ABCA13: variants seen among roughly 807,000 people sequenced by gnomAD.
ABCA13 encodes the protein ATP-binding cassette sub-family A member 13.
In ABCA13, 476 loss-of-function variants were observed where a neutral mutation model predicts 478.7. That is an observed-to-expected ratio of 0.99 (90% CI 0.92 to 1.07). The LOEUF is 1.07. ABCA13 is among the 50% of genes least tolerant of loss of function. The pLI is 0.00. For missense variants in ABCA13, 6,060 were observed against 5,910.6 expected (o/e 1.03, Z -0.83); for synonymous variants, 2,252 against 2,158.9 (o/e 1.04, Z -1.20).
intron 35 of ABCA13, among the ~76,000 whole-genome samples, chr7:48,384,518 C>A (rs1299473310): frequency 1.3e-5 from 2 of 152,206 alleles, no homozygotes; most frequent in African/African-American, 2.4e-5. Flanking sequence ...TTTTACCTGA[C>A]ATGTTGGTGG....
At chr7:48,356,589 A>T (rs1584988440) in intron 31 of ABCA13, among the ~76,000 whole-genome samples, 1 of 151,910 alleles carries the variant, frequency 6.6e-6, no homozygotes, top group East Asian at 1.9e-4. Context: ...ATTTAACTAA[A>T]AATTTTCCAC....
chr7:48,241,057 T>G lies in ABCA13; in HGVS notation c.1253T>G (p.Phe418Cys), dbSNP rs1310528419. 6.2e-7 allele frequency: 1 copy of G among 1,613,992 alleles called. No individual in the cohort carries two copies. Among genetic ancestry groups the G allele is most frequent in the Non-Finnish European group, 8.5e-7 (1 of 1,179,868 alleles). ...SADGPKDNHT[F>C]PKILQHLWKL... The stretch of plus-strand genomic sequence containing the variant: ...GATGGCCCAAAAGATAATCATACAT[T>G]TCCAAAGATGTAAGTCGCATTTCCC... The change falls in exon 10 of 62, where the codon TTT becomes TGT. Residue 418 changes from phenylalanine to cysteine, a missense_variant. Phe to Cys is a radical substitution (Grantham distance 205). Around this residue, in one of 3 missense-constraint regions of ABCA13, gnomAD observed 4,423 missense variants for 4,309.1 expected, o/e 1.03. Transcript: ENST00000435803.
chr7:48,260,685 A>C (rs901919041), intron 15 of ABCA13, among the ~76,000 whole-genome samples: 1 of 152,008 alleles, frequency 6.6e-6, no homozygotes, highest in Admixed American at 6.6e-5. Flanking sequence ...AATATGGTAA[A>C]AACGTTAGAT....
At position 48,227,160 on chromosome 7, in the gene ABCA13, A is replaced by G; in HGVS notation, c.469-102A>G. The G allele has an allele frequency of 5.4e-6, 6 of 1,118,018 alleles. 1 individual carries two copies. The South Asian group carries it at 7.0e-5, about 13-fold the overall frequency. 69.3% of individuals were successfully genotyped at this position (1,118,018 alleles called of 1,614,324 possible). On this transcript the variant is annotated intron_variant, in intron 5 of 61. Coordinates refer to ENST00000435803, the MANE Select transcript of ABCA13 (RefSeq NM_152701.5). ...ATATTAAGTGTGAGTTTCTACTAGG[A>G]GAATGTCTACAATTTTGCACCTTTG...
chr7:48,452,029 T>C (rs1585383268), intron 42 of ABCA13, among the ~76,000 whole-genome samples: 1 of 152,270 alleles, frequency 6.6e-6, no homozygotes, highest in Non-Finnish European at 1.5e-5. Flanking sequence ...AATATTTGAT[T>C]GGTGGTTGAT....
chr7:48,323,492 G>A (rs1432861723), intron 27 of ABCA13, among the ~76,000 whole-genome samples: 1 of 152,172 alleles, frequency 6.6e-6, no homozygotes, highest in Non-Finnish European at 1.5e-5. Context: ...GTTTAGCAGT[G>A]GTGGGTGCCA....
At chr7:48,592,543 T>C (rs1789865232) in intron 57 of ABCA13, among the ~76,000 whole-genome samples, 1 of 151,962 alleles carries the variant, frequency 6.6e-6, no homozygotes, top group Non-Finnish European at 1.5e-5. Context: ...GAAGAATGTG[T>C]ATTCTGCTAT....
intron 15 of ABCA13, among the ~76,000 whole-genome samples, chr7:48,262,870 C>T (rs1794381023): frequency 6.6e-6 from 1 of 151,936 alleles, no homozygotes; most frequent in Non-Finnish European, 1.5e-5. Context: ...ATATAGTCTC[C>T]TCACAGACAT....
chr7:48,487,495 T>C (rs1449883976), intron 47 of ABCA13, among the ~76,000 whole-genome samples: 3 of 152,036 alleles, frequency 2.0e-5, no homozygotes. Context: ...GTTTTTTTTT[T>C]AATCACTCTA....
At chr7:48,224,332 CT>C (rs1193560508) in intron 5 of ABCA13, among the ~76,000 whole-genome samples, 4 of 152,198 alleles carry the variant, frequency 2.6e-5, no homozygotes, top group African/African-American at 9.6e-5. Flanking sequence ...CTGAGAGTCC[CT>C]TGTTCCAGGA....
At chr7:48,256,888 T>G (rs947169042) in intron 15 of ABCA13, among the ~76,000 whole-genome samples, 2 of 152,208 alleles carry the variant, frequency 1.3e-5, no homozygotes, top group Non-Finnish European at 2.9e-5. Flanking sequence ...TAACATTGAA[T>G]CTGTGAATTG....
At position 48,489,268 on chromosome 7, in the gene ABCA13, A is replaced by G. The variant is rs1320769335; in HGVS notation, c.13215A>G (p.Leu4405=). 3 of 1,612,762 alleles carry G rather than the reference A, an allele frequency of 1.9e-6. No individual in the cohort carries two copies. Among genetic ancestry groups the G allele is most frequent in the Non-Finnish European group, 2.5e-6 (3 of 1,179,194 alleles). ...VWYNQKGFHS[L]PSYLNHLNNL... ...ATAATCAGAAGGGTTTTCATTCCCT[A>G]CCTTCCTACTTAAATCATCTAAACA... Residue 4405 remains leucine, a synonymous_variant, in exon 48 of 62, where the codon CTA becomes CTG. Coordinates refer to ENST00000435803, the MANE Select transcript of ABCA13 (RefSeq NM_152701.5).
intron 34 of ABCA13, among the ~76,000 whole-genome samples, chr7:48,375,644 A>G (rs1813360453): frequency 6.6e-6 from 1 of 152,100 alleles, no homozygotes; most frequent in Non-Finnish European, 1.5e-5. Context: ...AAACAGAGGT[A>G]AAACCATGCT....
chr7:48,608,580 A>G (rs897093998), intron 58 of ABCA13, among the ~76,000 whole-genome samples: 6 of 152,266 alleles, frequency 3.9e-5, no homozygotes, highest in African/African-American at 7.2e-5. Flanking sequence ...ATAATCAGGT[A>G]TATCAACAGT....
chr7:48,421,451 A>G (rs950912192), intron 41 of ABCA13, among the ~76,000 whole-genome samples: 2 of 152,184 alleles, frequency 1.3e-5, no homozygotes, highest in Non-Finnish European at 2.9e-5. Context: ...ATTCTACTCA[A>G]TGAGTTACAA....
rs1486481976 is a variant in ABCA13 at position 48,281,714 on chromosome 7, C to A, written c.8836+262C>A. On this transcript the variant is annotated intron_variant, in intron 19 of 61. Transcript: ENST00000435803. ...CTGTCTTTGCTCATGGAATGTGCTT[C>A]CCTTGTCTTCTTGACCTAAACTACA... is the stretch of plus-strand genomic sequence containing the variant. 2.0e-5 allele frequency among the ~76,000 whole-genome samples: 3 copies of A among 152,224 alleles called. No individual in the cohort carries two copies. In the East Asian group the frequency reaches 5.8e-4, roughly 29 times the overall value.
intron 3 of ABCA13, among the ~76,000 whole-genome samples, chr7:48,205,551 A>C (rs1446899495): frequency 6.6e-6 from 1 of 152,164 alleles, no homozygotes; most frequent in African/African-American, 2.4e-5. Context: ...TCTATCTTGC[A>C]CTTCTCCTTT....
At chr7:48,198,194 T>C in intron 2 of ABCA13, 43 bp from the exon 3 acceptor site, 2 of 1,554,852 alleles carry the variant, frequency 1.3e-6, no homozygotes, top group Admixed American at 1.9e-5. Context: ...CCATTTCTGG[T>C]AGCAGGTATA....
At chr7:48,598,168 A>G (rs1790494733) in intron 58 of ABCA13, among the ~76,000 whole-genome samples, 5 of 152,126 alleles carry the variant, frequency 3.3e-5, no homozygotes, top group Admixed American at 3.3e-4. Flanking sequence ...TACCTTTTCC[A>G]CAATGCCATA....
Sources: gnomAD v4.1 joint callset for allele counts (sites outside exome capture counted in the v4.1 genomes callset) on GRCh38, gnomAD v4.1.1 for gene constraint, gnomAD v4.1.1 regional missense constraint, MANE v1.5 for transcripts, NCBI Gene and HGNC (gene_info 2026-07-23, HGNC 2026-07-21) for gene names.